Variants in CACNA1H observed in about 807,000 individuals in gnomAD.
CACNA1H encodes voltage-dependent T-type calcium channel subunit alpha-1H.
Under a neutral mutation model 192.5 loss-of-function variants are expected in CACNA1H, and 149 were observed. The ratio of observed to expected loss-of-function variants is 0.77; its 90% CI spans 0.68 to 0.89. CACNA1H has a LOEUF of 0.89. CACNA1H is among the 40% of genes least tolerant of loss of function. The pLI, the probability that CACNA1H is intolerant of heterozygous loss-of-function variation, is 0.00. For synonymous variants in CACNA1H, 2,202 were observed against 1,475.2 expected, an observed-to-expected ratio of 1.49 and a Z score of -11.29; for missense variants, 4,257 against 3,423.5, an observed-to-expected ratio of 1.24 and a Z score of -6.08.
Position 1,210,779 on chromosome 16 carries a change from C to G in CACNA1H, c.4039-8C>G. 1 of 1,599,656 alleles carries G rather than the reference C, an allele frequency of 6.3e-7. No individual in the cohort carries two copies. Among genetic ancestry groups the G allele is most frequent in the Non-Finnish European group, 8.5e-7 (1 of 1,179,436 alleles). On this transcript the variant is annotated splice_region_variant and splice_polypyrimidine_tract_variant and intron_variant, in intron 20 of 34. Transcript: ENST00000348261. ...GAGCCTGAGCTCAGTGCCATTGGCCCTCCGCAGGTGGTGGCCCTGGGGCTG... is the reference window on the plus strand; with the variant it reads ...GAGCCTGAGCTCAGTGCCATTGGCCGTCCGCAGGTGGTGGCCCTGGGGCTG...
At chr16:1,214,884 C>T (rs1021409742) in intron 27 of CACNA1H, 88 bp from the exon 28 acceptor site, 36 of 991,368 alleles carry the variant, frequency 3.6e-5, no homozygotes, top group Admixed American at 2.6e-4. Flanking sequence ...GGCCGGCCAG[C>T]GGGGGCACTC....
chr16:1,214,753 C>G (rs889884238), intron 27 of CACNA1H, among the ~76,000 whole-genome samples: 8 of 152,200 alleles, frequency 5.3e-5, no homozygotes, highest in African/African-American at 1.9e-4. Flanking sequence ...GGGAGGGTAC[C>G]TTTCACTCAT....
At chr16:1,170,087 C>T (rs1964211317) in intron 2 of CACNA1H, among the ~76,000 whole-genome samples, 1 of 152,206 alleles carries the variant, frequency 6.6e-6, no homozygotes, top group Admixed American at 6.5e-5. Flanking sequence ...GGGCGGCCTC[C>T]CGGCTTACAG....
rs748281496 is a variant in CACNA1H, at chr16:1,216,917, TTC to T, written c.5245-9_5245-8del. 44 of 1,595,004 alleles carry T rather than the reference TTC, an allele frequency of 2.8e-5. No individual in the cohort carries two copies. The highest frequency in any genetic ancestry group is 3.5e-5 in the Non-Finnish European group (41 of 1,170,352). On this transcript the variant is annotated splice_polypyrimidine_tract_variant and intron_variant, in intron 30 of 34. Transcript: ENST00000348261. ...GCCCGCCCGTCTGACCCAGCTCTGCTTCTCTCTTGTGTAGGTGGGGAACCTGG... is the reference window on the plus strand; with the variant it reads ...GCCCGCCCGTCTGACCCAGCTCTGCTTCTCTTGTGTAGGTGGGGAACCTGG...
At chr16:1,198,567 C>T (rs775561022) in intron 5 of CACNA1H, 48 bp from the exon 6 acceptor site, 92 of 1,599,608 alleles carry the variant, frequency 5.8e-5, no homozygotes, top group Admixed American at 3.8e-4. Flanking sequence ...GCCCCGAGGA[C>T]ACTCCTGCAG....
intron 5 of CACNA1H, among the ~76,000 whole-genome samples, chr16:1,196,247 C>T (rs1461519824): frequency 1.3e-5 from 2 of 152,268 alleles, no homozygotes; most frequent in African/African-American, 2.4e-5. Flanking sequence ...AGTCAGCATT[C>T]ACAGGGTACC....
At position 1,180,672 on chromosome 16, in the gene CACNA1H, G is replaced by C. The variant is rs2151753874; in HGVS notation, c.300-14300G>C. On this transcript the variant is annotated intron_variant, in intron 2 of 34. Coordinates refer to ENST00000348261, the MANE Select transcript of CACNA1H (RefSeq NM_021098.3). The surrounding 1 kb of genome is among the most constrained non-coding windows in gnomAD (Gnocchi z 4.4). ...CCCGGGGCAGGTAGGGAGGGGCCTG[G>C]GCAGGGCGGGGCAGGGAGGGATGAG... Among the ~76,000 whole-genome samples, 1 of 152,244 alleles carries C rather than the reference G, an allele frequency of 6.6e-6. No homozygotes were observed. The highest frequency in any genetic ancestry group is 1.9e-4 in the East Asian group (1 of 5,160).
intron 26 of CACNA1H, 149 bp downstream of exon 26, chr16:1,212,677 C>A: frequency 1.1e-6 from 1 of 930,068 alleles, no homozygotes. Context: ...GGGCTGCGCT[C>A]GCCCGCCAGT....
intron 31 of CACNA1H, 81 bp downstream of exon 31, chr16:1,217,091 A>C: frequency 8.0e-7 from 1 of 1,242,268 alleles, no homozygotes; most frequent in East Asian, 2.5e-5. Context: ...ACACGCAGGC[A>C]CATGCTTGCA....
At chr16:1,176,088 T>G (rs1327355832) in intron 2 of CACNA1H, among the ~76,000 whole-genome samples, 2 of 152,222 alleles carry the variant, frequency 1.3e-5, no homozygotes, top group Non-Finnish European at 2.9e-5. Context: ...GGCTCTGATC[T>G]TTACACCTCA....
intron 2 of CACNA1H, among the ~76,000 whole-genome samples, chr16:1,173,943 T>C (rs1045874888): frequency 6.6e-6 from 1 of 151,848 alleles, no homozygotes; most frequent in Non-Finnish European, 1.5e-5. Context: ...TTGTGGACAT[T>C]AACCTGTGCA....
chr16:1,161,677 G>A (rs563564278), intron 2 of CACNA1H, among the ~76,000 whole-genome samples: 5 of 152,322 alleles, frequency 3.3e-5, no homozygotes, highest in African/African-American at 7.2e-5. Flanking sequence ...GAGGCTCCCA[G>A]CAGGCGGGTG....
intron 2 of CACNA1H, among the ~76,000 whole-genome samples, chr16:1,168,024 G>A (rs1369836304): frequency 6.6e-6 from 1 of 152,178 alleles, no homozygotes; most frequent in South Asian, 2.1e-4. Flanking sequence ...CTAGGCCTTC[G>A]AGTTGGGGGA....
At chr16:1,211,923 G>A (rs770453750) in intron 24 of CACNA1H, 23 bp from the exon 25 acceptor site, 1 of 1,611,814 alleles carries the variant, frequency 6.2e-7, no homozygotes, top group Non-Finnish European at 8.5e-7. Context: ...GGCGGGCGGG[G>A]ACCCACCGCC....
intron 31 of CACNA1H, among the ~76,000 whole-genome samples, chr16:1,217,292 A>G (rs760439102): frequency 6.6e-6 from 1 of 152,224 alleles, no homozygotes; most frequent in Non-Finnish European, 1.5e-5. Context: ...AGGGGAAGCA[A>G]GAACACCTAG....
At chr16:1,214,933 CCCAGCCCCACCTCAG>C in intron 27 of CACNA1H, 24 bp from the exon 28 acceptor site, 1 of 1,443,460 alleles carries the variant, frequency 6.9e-7, no homozygotes, top group Non-Finnish European at 9.6e-7. Flanking sequence ...GAGGGGTGGC[CCCAGCCCCACCTCAG>C]CCAGCCCGAC....
intron 2 of CACNA1H, among the ~76,000 whole-genome samples, chr16:1,192,324 G>A (rs957642539): frequency 1.8e-4 from 27 of 152,220 alleles, no homozygotes; most frequent in Admixed American, 1.4e-3. Flanking sequence ...GGAGTTGCTA[G>A]GCACTGGGTG....
At position 1,200,511 on chromosome 16, in the gene CACNA1H, C is replaced by T. The variant is rs59310656; in HGVS notation, c.1059C>T (p.Asn353=). ...ACGTGTGCCGCTCGGGTGACTCCAA[C>T]CCCCACAACGGTGCCATCAACTTCG... ...YYNVCRSGDS[N]PHNGAINFDN... The change falls in exon 7 of 35, where the codon AAC becomes AAT. Residue 353 remains asparagine, a synonymous_variant. Transcript: ENST00000348261. 2.0e-4 allele frequency: 324 copies of T among 1,612,324 alleles called. 1 individual carries two copies. The African/African-American group carries it at 3.7e-3, about 18-fold the overall frequency.
intron 2 of CACNA1H, among the ~76,000 whole-genome samples, chr16:1,175,630 G>A (rs1243346252): frequency 1.3e-5 from 2 of 152,212 alleles, no homozygotes; most frequent in African/African-American, 4.8e-5. Flanking sequence ...TTACTCTCAT[G>A]TCCGAGAATC....
Sources: gnomAD v4.1 joint callset for allele counts (sites outside exome capture counted in the v4.1 genomes callset) on GRCh38, gnomAD v4.1.1 for gene constraint, Gnocchi (gnomAD v3.1) non-coding constraint, MANE v1.5 for transcripts, NCBI Gene and HGNC (gene_info 2026-07-23, HGNC 2026-07-21) for gene names.